GAS7: variants seen among roughly 807,000 people sequenced by gnomAD.
GAS7 encodes growth arrest specific 7.
Under a neutral mutation model 71.1 loss-of-function variants are expected in GAS7, and 28 were observed. The observed-to-expected ratio is 0.39, with a 90% CI of 0.29 to 0.54. GAS7 has a LOEUF of 0.54. Among genes scored for constraint, GAS7 ranks in the 20% least tolerant of loss-of-function variants. The probability of loss-of-function intolerance (pLI) is 0.62; values close to 1 mark genes in which losing one functional copy is unlikely to be tolerated. For synonymous variants in GAS7, 258 were observed against 245.8 expected, an observed-to-expected ratio of 1.05 and a Z score of -0.46; for missense variants, 436 against 627.8, an observed-to-expected ratio of 0.69 and a Z score of 3.27.
chr17:10,098,103 G>T (rs2073662082), intron 1 of GAS7, among the ~76,000 whole-genome samples: 1 of 151,756 alleles, frequency 6.6e-6, no homozygotes, highest in Non-Finnish European at 1.5e-5. Flanking sequence ...AGACCCTGGG[G>T]TGTCCCCAAA....
intron 3 of GAS7, among the ~76,000 whole-genome samples, chr17:9,979,942 C>T (rs893084347): frequency 7.2e-5 from 11 of 152,034 alleles, no homozygotes; most frequent in African/African-American, 1.4e-4. Context: ...ACGGCAGCTA[C>T]AGTACGAACG....
chr17:10,159,059 CT>C (rs111801891), intron 1 of GAS7, among the ~76,000 whole-genome samples: 112,827 of 112,850 alleles, frequency 1, 56,402 homozygotes, highest in Middle Eastern at 1. Flanking sequence ...GACACTGTCT[CT>C]AAAACATATA....
In GAS7 at chr17:9,920,670, C is replaced by T. The variant is rs574063099; in HGVS notation, c.1139-965G>A. Among the ~76,000 whole-genome samples, 45 of 152,306 alleles carry T rather than the reference C, an allele frequency of 3.0e-4. No homozygotes were observed. In the South Asian group the frequency reaches 8.9e-3, roughly 30 times the overall value. ...GAGACGCTCTGGTAATGTGTGTGCA[C>T]GTGGCAGGCAGAGCAGCACAGCTCT... On this transcript the variant is annotated intron_variant, in intron 11 of 13. Coordinates refer to ENST00000432992, the MANE Select transcript of GAS7 (RefSeq NM_201433.2).
rs184107805 is a variant in GAS7, at chr17:10,142,084, C to A, written c.183+56124G>T. Among the ~76,000 whole-genome samples, 391 of 151,960 alleles carry A rather than the reference C, an allele frequency of 2.6e-3. 3 individuals carry two copies. The highest frequency in any genetic ancestry group is 9.0e-3 in the African/African-American group (373 of 41,488). On this transcript the variant is annotated intron_variant, in intron 1 of 13. Transcript: ENST00000432992. ...TCTACTAAAAACACAAAAAATTAGCCGGGCGTGGTGGCAGGTGCCTGTAGT... is the reference window on the plus strand; with the variant it reads ...TCTACTAAAAACACAAAAAATTAGCAGGGCGTGGTGGCAGGTGCCTGTAGT...
intron 1 of GAS7, among the ~76,000 whole-genome samples, chr17:10,075,301 G>A (rs1260974776): frequency 6.6e-6 from 1 of 151,492 alleles, no homozygotes; most frequent in Non-Finnish European, 1.5e-5. Flanking sequence ...GGTGCAGTAA[G>A]CTGTGATTGT....
At chr17:9,946,014 A>G (rs983179568) in intron 6 of GAS7, among the ~76,000 whole-genome samples, 4 of 152,058 alleles carry the variant, frequency 2.6e-5, no homozygotes, top group Non-Finnish European at 5.9e-5. Flanking sequence ...AAGTGGTGAA[A>G]ACAAAGTTTT....
intron 1 of GAS7, among the ~76,000 whole-genome samples, chr17:10,115,616 G>A (rs1043683334): frequency 6.7e-6 from 1 of 150,298 alleles, no homozygotes; most frequent in Non-Finnish European, 1.5e-5. Flanking sequence ...AGCATGAGGT[G>A]TCCATTGTGG....
intron 2 of GAS7, among the ~76,000 whole-genome samples, chr17:9,982,862 A>AAAGAAAGAAAGAAAGC (rs1567853351): frequency 2.8e-5 from 4 of 143,594 alleles, no homozygotes; most frequent in South Asian, 2.3e-4. Flanking sequence ...AGAAAGAAAG[A>AAAGAAAGAAAGAAAGC]AAGAAAGCAA....
intron 1 of GAS7, among the ~76,000 whole-genome samples, chr17:10,124,238 A>G (rs768040660): frequency 9.2e-5 from 14 of 152,176 alleles, no homozygotes; most frequent in Non-Finnish European, 1.8e-4. Flanking sequence ...GAAGGTGGAC[A>G]TGGAAATGAC....
At chr17:10,077,065 A>G (rs1263358540) in intron 1 of GAS7, among the ~76,000 whole-genome samples, 2 of 152,202 alleles carry the variant, frequency 1.3e-5, no homozygotes, top group African/African-American at 2.4e-5. Flanking sequence ...TTTGGGCTTC[A>G]CTGTCTTGTG....
chr17:9,938,572 C>T (rs573874652), intron 8 of GAS7, among the ~76,000 whole-genome samples: 9 of 151,126 alleles, frequency 6.0e-5, no homozygotes, highest in African/African-American at 1.2e-4. Flanking sequence ...AATCAGAAGG[C>T]GGCCATCTGC....
In GAS7 at chr17:10,058,532, A is replaced by C. The variant is rs1041955382; in HGVS notation, c.184-38635T>G. ...CATATTCTGACAGCAATAAAATTGT[A>C]CTACATTTCACACCATACTGATCAG... On this transcript the variant is annotated intron_variant, in intron 1 of 13. Coordinates refer to ENST00000432992, the MANE Select transcript of GAS7 (RefSeq NM_201433.2). Among the ~76,000 whole-genome samples the C allele has an allele frequency of 2.0e-5, 3 of 152,250 alleles. 1 individual carries two copies. The highest frequency in any genetic ancestry group is 6.5e-5 in the Admixed American group (1 of 15,294).
At chr17:9,927,109 ATGC>A (rs2068031570) in intron 9 of GAS7, 2 of 240,982 alleles carry the variant, frequency 8.3e-6, no homozygotes. Flanking sequence ...GGTTTATAAT[ATGC>A]TGTTTTGAAA....
At chr17:9,961,989 A>T (rs2069514126) in intron 4 of GAS7, among the ~76,000 whole-genome samples, 1 of 152,340 alleles carries the variant, frequency 6.6e-6, no homozygotes, top group African/African-American at 2.4e-5. Context: ...ATCTCTGTAG[A>T]ATAAGGCTTG....
At chr17:9,988,191 G>C (rs369207671) in intron 2 of GAS7, among the ~76,000 whole-genome samples, 2 of 152,106 alleles carry the variant, frequency 1.3e-5, no homozygotes, top group African/African-American at 2.4e-5. Flanking sequence ...CTGGTTTGGC[G>C]GTCTCTCTAC....
chr17:10,186,936 G>A (rs1256118540), intron 1 of GAS7, among the ~76,000 whole-genome samples: 1 of 152,154 alleles, frequency 6.6e-6, no homozygotes, highest in East Asian at 1.9e-4. Context: ...AATTCAGTCT[G>A]AGAAGCACTG....
chr17:9,950,611 A>C (rs2068965833), intron 5 of GAS7, among the ~76,000 whole-genome samples: 1 of 152,142 alleles, frequency 6.6e-6, no homozygotes, highest in Admixed American at 6.5e-5. Context: ...TAATCCTAGC[A>C]ATCTGGGAGG....
chr17:9,951,376 G>T (rs908722068), intron 5 of GAS7, among the ~76,000 whole-genome samples: 4 of 152,220 alleles, frequency 2.6e-5, no homozygotes, highest in African/African-American at 9.6e-5. Flanking sequence ...CCTGCCCTGC[G>T]GGCATCTCTC....
At chr17:9,971,352 A>T (rs909584838) in intron 3 of GAS7, among the ~76,000 whole-genome samples, 2 of 152,142 alleles carry the variant, frequency 1.3e-5, no homozygotes, top group African/African-American at 4.8e-5. Context: ...TGAGCCTAGG[A>T]GTTTAAGATC....
Sources: allele counts gnomAD v4.1 joint callset (sites outside exome capture counted in the v4.1 genomes callset), GRCh38; gene constraint gnomAD v4.1.1; transcripts MANE v1.5; gene names NCBI Gene and HGNC (gene_info 2026-07-23, HGNC 2026-07-21).